The following KLHL1 variants were observed in gnomAD, a reference collection of about 807,000 sequenced individuals.
KLHL1 encodes the protein kelch like family member 1.
Under a neutral mutation model 77.7 loss-of-function variants are expected in KLHL1, and 47 were observed. That is an observed-to-expected ratio of 0.60 (90% CI 0.48 to 0.77). The LOEUF is 0.77. Ranked by LOEUF, KLHL1 falls within the 30% of genes least tolerant of loss-of-function variation. The pLI is 0.00. For missense variants in KLHL1, 925 were observed against 910.8 expected (o/e 1.02, Z -0.20); for synonymous variants, 360 against 325.2 (o/e 1.11, Z -1.15).
chr13:69,850,508 C>T (rs1050005779), intron 5 of KLHL1, among the ~76,000 whole-genome samples: 3 of 151,518 alleles, frequency 2.0e-5, no homozygotes, highest in African/African-American at 7.3e-5. Flanking sequence ...CTCCCAAATA[C>T]TGTTGATTAC....
At chr13:69,740,255 T>G in intron 8 of KLHL1, 139 bp downstream of exon 8, 1 of 619,604 alleles carries the variant, frequency 1.6e-6, no homozygotes, top group Non-Finnish European at 2.6e-6. Flanking sequence ...CACCAGTCTT[T>G]ATTTGTCAAT....
rs943463449 is a variant in KLHL1 at position 69,726,283 on chromosome 13, C to T, written c.1803-6702G>A. Among the ~76,000 whole-genome samples, 5 of 152,248 alleles carry T rather than the reference C, an allele frequency of 3.3e-5. No homozygotes were observed. In the South Asian group the frequency reaches 1.0e-3, roughly 32 times the overall value. On this transcript the variant is annotated intron_variant, in intron 8 of 10. Transcript: ENST00000377844. Reference sequence around the variant, plus strand: ...CAATAAAAGGATTAGAATCCCTCAACTCCAGTGCCTTTGAAGAAACTCTCT... The same window carrying T: ...CAATAAAAGGATTAGAATCCCTCAATTCCAGTGCCTTTGAAGAAACTCTCT...
chr13:70,026,771 A>C (rs1321083108), intron 1 of KLHL1, among the ~76,000 whole-genome samples: 3 of 151,732 alleles, frequency 2.0e-5, no homozygotes, highest in Admixed American at 6.6e-5. Context: ...AGACAGAGAG[A>C]GATAATGCAA....
intron 8 of KLHL1, among the ~76,000 whole-genome samples, chr13:69,738,890 A>G (rs1201557602): frequency 5.9e-5 from 9 of 152,184 alleles, no homozygotes; most frequent in Admixed American, 5.2e-4. Flanking sequence ...CAAATTCAGG[A>G]AATCCAGAGA....
At chr13:69,724,328 G>A (rs1873203571) in intron 8 of KLHL1, among the ~76,000 whole-genome samples, 1 of 152,104 alleles carries the variant, frequency 6.6e-6, no homozygotes, top group Admixed American at 6.6e-5. Flanking sequence ...TCCTGAGGGT[G>A]TGTTATGAGT....
intron 5 of KLHL1, among the ~76,000 whole-genome samples, chr13:69,843,988 CTT>C (rs1879363230): frequency 6.6e-6 from 1 of 151,264 alleles, no homozygotes; most frequent in Admixed American, 6.6e-5. Flanking sequence ...TTGTGAATAA[CTT>C]TTCAATTTCT....
intron 8 of KLHL1, among the ~76,000 whole-genome samples, chr13:69,722,726 C>A (rs983073234): frequency 6.6e-6 from 1 of 151,714 alleles, no homozygotes; most frequent in African/African-American, 2.4e-5. Context: ...AAAACCATTA[C>A]GAAAAACCAT....
At chr13:69,877,185 T>C (rs1880802145) in intron 5 of KLHL1, among the ~76,000 whole-genome samples, 1 of 152,180 alleles carries the variant, frequency 6.6e-6, no homozygotes, top group East Asian at 1.9e-4. Flanking sequence ...GTCTCTTGAT[T>C]TTTAAACAAC....
At chr13:69,733,127 G>A (rs1418948303) in intron 8 of KLHL1, among the ~76,000 whole-genome samples, 1 of 151,810 alleles carries the variant, frequency 6.6e-6, no homozygotes, top group Non-Finnish European at 1.5e-5. Flanking sequence ...ACTGATAAAT[G>A]ACTGTTCTGA....
At chr13:70,003,533 C>T (rs1885344016) in intron 1 of KLHL1, among the ~76,000 whole-genome samples, 1 of 151,650 alleles carries the variant, frequency 6.6e-6, no homozygotes, top group Non-Finnish European at 1.5e-5. Flanking sequence ...TTCACTGCCT[C>T]CCTTTAGAGA....
intron 6 of KLHL1, among the ~76,000 whole-genome samples, chr13:69,810,926 AG>A (rs1432804599): frequency 1.3e-5 from 2 of 152,122 alleles, no homozygotes; most frequent in African/African-American, 4.8e-5. Flanking sequence ...TGAGCTAGGA[AG>A]AAACATTAAT....
At chr13:70,059,897 A>G (rs1418896984) in intron 1 of KLHL1, among the ~76,000 whole-genome samples, 1 of 152,156 alleles carries the variant, frequency 6.6e-6, no homozygotes, top group African/African-American at 2.4e-5. Context: ...CTCACTCACT[A>G]TCATGGGAAC....
rs745841831 is a variant in KLHL1 at position 69,997,858 on chromosome 13, A to G, written c.498-22056T>C. Among the ~76,000 whole-genome samples the G allele has an allele frequency of 5.2e-4, 78 of 150,674 alleles. 1 individual carries two copies. Among genetic ancestry groups the G allele is most frequent in the Non-Finnish European group, 4.7e-4 (32 of 67,718 alleles). On this transcript the variant is annotated intron_variant, in intron 1 of 10. Coordinates refer to ENST00000377844, the MANE Select transcript of KLHL1 (RefSeq NM_020866.3). ...ATATTCTTTATTTATTATTCTGTCA[A>G]TAGATATTTAGGTGTTTCCATATCT...
intron 6 of KLHL1, among the ~76,000 whole-genome samples, chr13:69,831,658 C>T (rs1878766542): frequency 1.3e-5 from 2 of 149,746 alleles, no homozygotes; most frequent in South Asian, 4.2e-4. Flanking sequence ...AAGAAAACTA[C>T]AGACAAATGT....
intron 1 of KLHL1, among the ~76,000 whole-genome samples, chr13:70,032,100 G>A (rs1013582042): frequency 6.6e-5 from 10 of 152,132 alleles, no homozygotes; most frequent in African/African-American, 1.4e-4. Flanking sequence ...GATACTTAAT[G>A]GATATCTTAA....
chr13:70,034,218 T>C (rs1489436269), intron 1 of KLHL1, among the ~76,000 whole-genome samples: 2 of 152,216 alleles, frequency 1.3e-5, no homozygotes, highest in Admixed American at 1.3e-4. Flanking sequence ...TGAGTTATTA[T>C]TGCTATCTCA....
intron 4 of KLHL1, among the ~76,000 whole-genome samples, chr13:69,926,720 G>T (rs1882824795): frequency 6.6e-6 from 1 of 151,878 alleles, no homozygotes. Context: ...GGCTGAGGCG[G>T]GTGGATCACG....
chr13:69,989,662 T>C (rs1884975903), intron 1 of KLHL1, among the ~76,000 whole-genome samples: 1 of 152,012 alleles, frequency 6.6e-6, no homozygotes, highest in Non-Finnish European at 1.5e-5. Flanking sequence ...ATTCTCATTG[T>C]AGAGATCCTT....
intron 6 of KLHL1, chr13:69,803,136 T>G (rs1393719016): frequency 6.6e-6 from 1 of 152,158 alleles, no homozygotes; most frequent in Non-Finnish European, 1.5e-5. Context: ...ATATTATTCT[T>G]AAATAAATAT....
Sources: allele counts gnomAD v4.1 joint callset (sites outside exome capture counted in the v4.1 genomes callset), GRCh38; gene constraint gnomAD v4.1.1; transcripts MANE v1.5; gene names NCBI Gene and HGNC (gene_info 2026-07-23, HGNC 2026-07-21).